The following PRMT7 variants were observed in gnomAD, a reference collection of about 807,000 sequenced individuals.
PRMT7 encodes protein arginine N-methyltransferase 7.
Under a neutral mutation model 85.4 loss-of-function variants are expected in PRMT7, and 75 were observed. The observed-to-expected ratio is 0.88, with a 90% confidence interval of 0.73 to 1.06. The LOEUF is 1.06. Ranked by LOEUF, PRMT7 falls within the 50% of genes least tolerant of loss-of-function variation. The pLI, the probability that PRMT7 is intolerant of heterozygous loss-of-function variation, is 0.00. For missense variants in PRMT7, 868 were observed against 915.2 expected, an observed-to-expected ratio of 0.95 and a Z score of 0.67; for synonymous variants, 397 against 359.5, an observed-to-expected ratio of 1.10 and a Z score of -1.18.
intron 2 of PRMT7, chr16:68,315,313 A>G (rs1395623432): frequency 6.6e-6 from 1 of 152,438 alleles, no homozygotes; most frequent in Non-Finnish European, 1.5e-5. Context: ...GTATCACTCC[A>G]TTTTGCATAG....
At chr16:68,346,400 G>C in intron 11 of PRMT7, 120 bp downstream of exon 11, 1 of 1,408,762 alleles carries the variant, frequency 7.1e-7, no homozygotes, top group South Asian at 1.3e-5. Flanking sequence ...TCTATGAGTG[G>C]CTTCAGCGAG....
intron 16 of PRMT7, among the ~76,000 whole-genome samples, chr16:68,354,172 G>A (rs903124333): frequency 1.3e-5 from 2 of 152,240 alleles, no homozygotes; most frequent in African/African-American, 4.8e-5. Flanking sequence ...GAGCCCAGAC[G>A]TTTGAGACCA....
intron 3 of PRMT7, 32 bp downstream of exon 3, chr16:68,316,106 G>A: frequency 1.3e-6 from 2 of 1,584,694 alleles, no homozygotes; most frequent in East Asian, 4.5e-5. Context: ...GGCTGCAGCT[G>A]GGTGGGGCAC....
chr16:68,338,708 G>A (rs1178591963), intron 7 of PRMT7, among the ~76,000 whole-genome samples: 2 of 152,198 alleles, frequency 1.3e-5, no homozygotes, highest in Admixed American at 1.3e-4. Flanking sequence ...AACCCCTACA[G>A]CAGAGAATCA....
chr16:68,345,891 G>T, intron 10 of PRMT7, 89 bp downstream of exon 10: 12 of 1,554,880 alleles, frequency 7.7e-6, no homozygotes, highest in Non-Finnish European at 1.1e-5. Flanking sequence ...GTGCCAGTGG[G>T]TTGATTTGTG....
In PRMT7 at chr16:68,357,206, T is replaced by G; in HGVS notation, c.2061T>G (p.His687Gln). 1.2e-6 allele frequency: 2 copies of G among 1,613,220 alleles called. No individual in the cohort carries two copies. The highest frequency in any genetic ancestry group is 1.7e-6 in the Non-Finnish European group (2 of 1,179,584). ...GCGACATCATCATGGAGTTCAGGCA[T>G]GCAGATACCCCAGACTGACCACTCT... ...DTGDIIMEFR[H>Q]ADTPD The change falls in exon 19 of 19, where the codon CAT becomes CAG. Residue 687 changes from histidine to glutamine, a missense_variant. Physicochemically the swap from His to Gln is conservative, Grantham distance 24. Transcript: ENST00000441236.
chr16:68,312,051 C>G lies in PRMT7; in HGVS notation c.-209C>G, dbSNP rs1389979845. 2 of 151,918 alleles carry G rather than the reference C, an allele frequency of 1.3e-5. No individual in the cohort carries two copies. Among genetic ancestry groups the G allele is most frequent in the African/African-American group, 4.8e-5 (2 of 41,368 alleles). 9.4% of individuals were successfully genotyped at this position (151,918 alleles called of 1,614,324 possible). A position where few individuals can be genotyped will look rare whatever the true frequency, so the allele number is the denominator to read the frequency against. ...TATTTTTTCGAGACAGAGTCTCACT[C>G]TGCTGCCTAGGCTGAGTGCAGTGGT... On this transcript the variant is annotated 5_prime_UTR_variant, in exon 2 of 19. Coordinates refer to ENST00000441236, the MANE Select transcript of PRMT7 (RefSeq NM_019023.5).
chr16:68,339,533 C>T lies in PRMT7; in HGVS notation c.716C>T (p.Thr239Ile), dbSNP rs1283357350. The T allele has an allele frequency of 6.2e-7, 1 of 1,614,052 alleles. No individual in the cohort carries two copies. Among genetic ancestry groups the T allele is most frequent in the Non-Finnish European group, 8.5e-7 (1 of 1,180,042 alleles). Residue 239 changes from threonine to isoleucine, a missense_variant, in exon 8 of 19, where the codon ACA (threonine) becomes ATA (isoleucine). By Grantham distance (89) the Thr-to-Ile change is moderately conservative. Coordinates refer to ENST00000441236, the MANE Select transcript of PRMT7 (RefSeq NM_019023.5). ...QLNQVSPADF[T>I]VLSDVLPMFS... is the part of the protein sequence containing the mutation. ...AACCAGGTGTCACCAGCCGACTTTA[C>T]AGTCCTCAGCGATGTGCTGCCCATG...
chr16:68,344,414 A>T (rs1424251538), intron 9 of PRMT7, among the ~76,000 whole-genome samples: 1 of 152,204 alleles, frequency 6.6e-6, no homozygotes, highest in Non-Finnish European at 1.5e-5. Context: ...GTCTCTCTCC[A>T]AACGCGTGGG....
intron 3 of PRMT7, chr16:68,318,756 C>T (rs1343226649): frequency 6.6e-6 from 1 of 152,108 alleles, no homozygotes; most frequent in Non-Finnish European, 1.5e-5. Context: ...TGGTCTTGAA[C>T]TTCTGACCTC....
chr16:68,348,457 C>T (rs745866454), intron 14 of PRMT7, 26 bp downstream of exon 14: 62 of 1,567,786 alleles, frequency 4.0e-5, no homozygotes, highest in Middle Eastern at 1.7e-4. Flanking sequence ...CTTTTGGCCA[C>T]GCTGGGCTGT....
intron 6 of PRMT7, among the ~76,000 whole-genome samples, chr16:68,332,079 A>G (rs939110277): frequency 3.3e-5 from 5 of 152,240 alleles, no homozygotes; most frequent in South Asian, 4.1e-4. Flanking sequence ...AAACTTTGGC[A>G]TGCAGTTGGG....
At chr16:68,356,006 C>T (rs931913887) in intron 17 of PRMT7, 123 bp downstream of exon 17, 3 of 1,106,448 alleles carry the variant, frequency 2.7e-6, no homozygotes, top group Non-Finnish European at 3.6e-6. Context: ...TCGTCCTCCC[C>T]ACAACCTTGC....
At chr16:68,319,126 T>C (rs78354751) in intron 3 of PRMT7, 2 of 152,004 alleles carry the variant, frequency 1.3e-5, no homozygotes, top group Admixed American at 6.6e-5. Flanking sequence ...CGATGGAGAT[T>C]AGGCGTTTAG....
At chr16:68,315,723 C>G in intron 2 of PRMT7, 174 bp from the exon 3 acceptor site, 1 of 451,542 alleles carries the variant, frequency 2.2e-6, no homozygotes, top group Non-Finnish European at 4.1e-6. Flanking sequence ...GAAACATTTA[C>G]AATATCGATT....
At position 68,329,191 on chromosome 16, in the gene PRMT7, C is replaced by T; in HGVS notation, c.391+17C>T. The T allele has an allele frequency of 6.6e-7, 1 of 1,526,690 alleles. No homozygotes were observed. Among genetic ancestry groups the T allele is most frequent in the Non-Finnish European group, 9.1e-7 (1 of 1,101,044 alleles). 94.6% of individuals were successfully genotyped at this position (1,526,690 alleles called of 1,614,324 possible). On this transcript the variant is annotated intron_variant, in intron 6 of 18. Transcript: ENST00000441236. Reference sequence around the variant, plus strand: ...TAGGTCCAGGTGAGATTTACACACCCTGTGTTGAAAGCTTTGCTTGCTCTT... The same window carrying T: ...TAGGTCCAGGTGAGATTTACACACCTTGTGTTGAAAGCTTTGCTTGCTCTT...
intron 5 of PRMT7, 86 bp downstream of exon 5, chr16:68,324,918 A>G (rs1048531392): frequency 1.3e-6 from 2 of 1,550,400 alleles, no homozygotes; most frequent in African/African-American, 2.7e-5. Flanking sequence ...GTTCCTTCAC[A>G]AACATTCATG....
At position 68,312,593 on chromosome 16, in the gene PRMT7, A is replaced by C. The variant is rs1269438336; in HGVS notation, c.-84+417A>C. On this transcript the variant is annotated intron_variant, in intron 2 of 18. Coordinates refer to ENST00000441236, the MANE Select transcript of PRMT7 (RefSeq NM_019023.5). ...TGCTCTGCAGTCTGACGGCTAATAC[A>C]ATTAGGGCTTGGCATGGTGGTTTCT... 4.6e-5 allele frequency among the ~76,000 whole-genome samples: 7 copies of C among 152,212 alleles called. No individual in the cohort carries two copies. In the South Asian group the frequency reaches 8.3e-4, roughly 18 times the overall value.
Position 68,312,106 on chromosome 16 carries a change from C to T in PRMT7, c.-154C>T, listed in dbSNP as rs939617108. ...TCGAGGCGCACTGCAGCCTTGACCTCCTGGGCTCAAGCGATCCTCACCTCG... is the reference window on the plus strand; with the variant it reads ...TCGAGGCGCACTGCAGCCTTGACCTTCTGGGCTCAAGCGATCCTCACCTCG... On this transcript the variant is annotated 5_prime_UTR_variant, in exon 2 of 19. Transcript: ENST00000441236. 2 of 151,790 alleles carry T rather than the reference C, an allele frequency of 1.3e-5. No individual in the cohort carries two copies. The highest frequency in any genetic ancestry group is 4.8e-5 in the African/African-American group (2 of 41,310). The allele number at this position is 151,790 out of a possible 1,614,324, so 9.4% of individuals were successfully genotyped here. A position where few individuals can be genotyped will look rare whatever the true frequency, so the allele number is the denominator to read the frequency against.
Sources: allele counts gnomAD v4.1 joint callset (sites outside exome capture counted in the v4.1 genomes callset), GRCh38; gene constraint gnomAD v4.1.1; transcripts MANE v1.5; gene names NCBI Gene and HGNC (gene_info 2026-07-23, HGNC 2026-07-21).